The following FRMD5 variants were observed in gnomAD, a reference collection of about 807,000 sequenced individuals.
FRMD5 encodes FERM domain-containing protein 5.
Under a neutral mutation model 69.0 loss-of-function variants are expected in FRMD5, and 20 were observed. That is an observed-to-expected ratio of 0.29 (90% confidence interval 0.20 to 0.42). FRMD5 has a LOEUF of 0.42. Ranked by LOEUF, FRMD5 falls within the 10% of genes least tolerant of loss-of-function variation. The pLI is 1.00. For missense variants in FRMD5, 595 were observed against 708.6 expected, an observed-to-expected ratio of 0.84 and a Z score of 1.82; for synonymous variants, 271 against 260.1, an observed-to-expected ratio of 1.04 and a Z score of -0.40.
chr15:44,006,505 C>T (rs941418834), intron 1 of FRMD5, among the ~76,000 whole-genome samples: 1 of 152,154 alleles, frequency 6.6e-6, no homozygotes, highest in African/African-American at 2.4e-5. Context: ...AAGACTATAG[C>T]TGCATGAATA....
chr15:43,902,102 G>A, intron 7 of FRMD5, 73 bp downstream of exon 7: 1 of 1,087,000 alleles, frequency 9.2e-7, no homozygotes, highest in South Asian at 1.3e-5. Context: ...TCTGAGCGCA[G>A]GCATGGGGGC....
At position 44,085,969 on chromosome 15, in the gene FRMD5, T is replaced by C. The variant is rs529161800; in HGVS notation, c.102+108984A>G. Among the ~76,000 whole-genome samples the C allele has an allele frequency of 2.2e-4, 34 of 152,268 alleles. No individual in the cohort carries two copies. The South Asian group carries it at 6.6e-3, about 30-fold the overall frequency. Reference sequence around the variant, plus strand: ...TAGGTAAAATATACTAAGAGTCTGATGGTTTGAATGGAAATGGAAGCTTTT... The same window carrying C: ...TAGGTAAAATATACTAAGAGTCTGACGGTTTGAATGGAAATGGAAGCTTTT... On this transcript the variant is annotated intron_variant, in intron 1 of 13. Coordinates refer to ENST00000417257, the MANE Select transcript of FRMD5 (RefSeq NM_032892.5).
chr15:44,167,843 G>A (rs1031468647), intron 1 of FRMD5, among the ~76,000 whole-genome samples: 14 of 152,140 alleles, frequency 9.2e-5, no homozygotes, highest in African/African-American at 2.9e-4. Flanking sequence ...CACCTGCCTC[G>A]GCCTCCCAGA....
In FRMD5 at chr15:43,955,344, C is replaced by T. The variant is rs146331038; in HGVS notation, c.103-31035G>A. Among the ~76,000 whole-genome samples the T allele has an allele frequency of 5.0e-3, 762 of 152,324 alleles. 5 individuals carry two copies. Among genetic ancestry groups the T allele is most frequent in the Non-Finnish European group, 8.5e-3 (580 of 68,026 alleles). Reference sequence around the variant, plus strand: ...TCTTCTCCAGTGGATGTGAAACAGGCTGTGGCAGCTGCTTAGTATCATTAG... The same window carrying T: ...TCTTCTCCAGTGGATGTGAAACAGGTTGTGGCAGCTGCTTAGTATCATTAG... On this transcript the variant is annotated intron_variant, in intron 1 of 13. Transcript: ENST00000417257.
intron 1 of FRMD5, among the ~76,000 whole-genome samples, chr15:43,992,548 T>C (rs999376178): frequency 1.3e-5 from 2 of 152,044 alleles, no homozygotes; most frequent in African/African-American, 4.8e-5. Flanking sequence ...CAGCTAATTT[T>C]TGTATTTTTA....
At chr15:44,141,535 CAAAAT>C (rs2077273951) in intron 1 of FRMD5, among the ~76,000 whole-genome samples, 1 of 151,958 alleles carries the variant, frequency 6.6e-6, no homozygotes, top group Non-Finnish European at 1.5e-5. Context: ...TACCATATAA[CAAAAT>C]AAAATTGATG....
chr15:44,031,111 C>T (rs1445204399), intron 1 of FRMD5, among the ~76,000 whole-genome samples: 1 of 152,096 alleles, frequency 6.6e-6, no homozygotes, highest in East Asian at 1.9e-4. Context: ...TGGGCTCCCA[C>T]CTGCCTGGAT....
At position 43,924,492 on chromosome 15, in the gene FRMD5, G is replaced by A. The variant is rs138000369; in HGVS notation, c.103-183C>T. Reference sequence around the variant, plus strand: ...ACTGTCTGGAATCCAGAGGCTTTTAGCACCTGGAAGGAGCCCAAGAACCCT... The same window carrying A: ...ACTGTCTGGAATCCAGAGGCTTTTAACACCTGGAAGGAGCCCAAGAACCCT... On this transcript the variant is annotated intron_variant, in intron 1 of 13. Transcript: ENST00000417257. Among the ~76,000 whole-genome samples the A allele has an allele frequency of 5.2e-3, 789 of 152,190 alleles. 4 individuals carry two copies. Among genetic ancestry groups the A allele is most frequent in the Non-Finnish European group, 9.0e-3 (615 of 68,024 alleles).
intron 1 of FRMD5, among the ~76,000 whole-genome samples, chr15:44,065,767 T>C (rs919463990): frequency 3.9e-5 from 6 of 152,210 alleles, no homozygotes; most frequent in African/African-American, 1.4e-4. Context: ...ATTTTTAACT[T>C]TAAAGGTCAA....
At chr15:44,198,157 A>G (rs2078323147), upstream of FRMD5, among the ~76,000 whole-genome samples, 1 of 151,652 alleles carries the variant, frequency 6.6e-6, no homozygotes, top group Admixed American at 6.6e-5. Context: ...AATAATAATA[A>G]TAATAATAAT....
chr15:44,033,826 T>C (rs1435970463), intron 1 of FRMD5, among the ~76,000 whole-genome samples: 2 of 152,168 alleles, frequency 1.3e-5, no homozygotes, highest in Non-Finnish European at 2.9e-5. Flanking sequence ...CTCTACAACA[T>C]GAGTGAAAAC....
chr15:43,917,536 G>A (rs75023002), intron 4 of FRMD5, among the ~76,000 whole-genome samples: 54 of 152,150 alleles, frequency 3.5e-4, no homozygotes, highest in East Asian at 2.5e-3. Flanking sequence ...GATTACAGGC[G>A]TGATGGCCCG....
intron 1 of FRMD5, among the ~76,000 whole-genome samples, chr15:44,130,610 G>A (rs2077085290): frequency 6.6e-6 from 1 of 152,096 alleles, no homozygotes. Flanking sequence ...TTAAGAATTT[G>A]TATGCTTAGC....
At chr15:43,983,969 C>T (rs1004046305) in intron 1 of FRMD5, among the ~76,000 whole-genome samples, 1 of 152,202 alleles carries the variant, frequency 6.6e-6, no homozygotes, top group Non-Finnish European at 1.5e-5. Context: ...AAAATGGCTA[C>T]AAGACACATT....
chr15:43,973,531 C>A (rs2090419674), intron 1 of FRMD5, among the ~76,000 whole-genome samples: 1 of 150,522 alleles, frequency 6.6e-6, no homozygotes, highest in African/African-American at 2.4e-5. Flanking sequence ...CCACACCCAG[C>A]TAGTTTTTGT....
intron 1 of FRMD5, among the ~76,000 whole-genome samples, chr15:43,965,601 G>A (rs1215485253): frequency 8.9e-6 from 1 of 111,922 alleles, no homozygotes; most frequent in Non-Finnish European, 1.7e-5. Context: ...TTTTTTTTGA[G>A]ACAGAGTTTC....
intron 1 of FRMD5, among the ~76,000 whole-genome samples, chr15:44,008,089 A>ATTTTTTTTTTTT (rs35785368): frequency 1.6e-5 from 1 of 62,806 alleles, no homozygotes; most frequent in African/African-American, 5.4e-5. Context: ...ACAATCGGCA[A>ATTTTTTTTTTTT]TTTTTTTTTT....
intron 1 of FRMD5, among the ~76,000 whole-genome samples, chr15:44,075,450 T>TA (rs1230303437): frequency 1.3e-5 from 2 of 151,906 alleles, no homozygotes; most frequent in Non-Finnish European, 2.9e-5. Flanking sequence ...TTTCCATCAT[T>TA]AAAAAAAAGT....
chr15:43,999,968 A>ATTC (rs34297053), intron 1 of FRMD5, among the ~76,000 whole-genome samples: 1 of 12,690 alleles, frequency 7.9e-5, no homozygotes, highest in African/African-American at 1.1e-4. Flanking sequence ...ATATATATAT[A>ATTC]TATATATATA....
Sources: gnomAD v4.1 joint callset for allele counts (sites outside exome capture counted in the v4.1 genomes callset) on GRCh38, gnomAD v4.1.1 for gene constraint, MANE v1.5 for transcripts, NCBI Gene and HGNC (gene_info 2026-07-23, HGNC 2026-07-21) for gene names.